SGMS1: variants seen among roughly 807,000 people sequenced by gnomAD.
The protein encoded by SGMS1 is sphingomyelin synthase 1.
SGMS1 carries 13 observed loss-of-function variants against 46.2 expected under a neutral mutation model. That is an observed-to-expected ratio of 0.28 (90% CI 0.18 to 0.45). The LOEUF is 0.45. Ranked by LOEUF, SGMS1 falls within the 20% of genes least tolerant of loss-of-function variation. The pLI, the probability that SGMS1 is intolerant of heterozygous loss-of-function variation, is 1.00. For synonymous variants in SGMS1, 203 were observed against 187.8 expected (o/e 1.08, Z -0.66); for missense variants, 324 against 519.9 (o/e 0.62, Z 3.66).
chr10:50,375,728 C>T (rs537976351), intron 6 of SGMS1, among the ~76,000 whole-genome samples: 5 of 152,324 alleles, frequency 3.3e-5, no homozygotes, highest in Non-Finnish European at 7.3e-5. Flanking sequence ...AGAAGGCAAA[C>T]ACTAGTGTGC....
Position 50,449,447 on chromosome 10 carries a change from A to G in SGMS1, c.-313+11226T>C, listed in dbSNP as rs564471395. On this transcript the variant is annotated intron_variant, in intron 5 of 10. Coordinates refer to ENST00000361781, the MANE Select transcript of SGMS1 (RefSeq NM_147156.4). Reference sequence around the variant, plus strand: ...CAGTGCTTATGAACTATGTAGTCTTAGACAAGGCTGAGCTCCACTTTCCTG... The same window carrying G: ...CAGTGCTTATGAACTATGTAGTCTTGGACAAGGCTGAGCTCCACTTTCCTG... Among the ~76,000 whole-genome samples, 7 of 152,320 alleles carry G rather than the reference A, an allele frequency of 4.6e-5. No homozygotes were observed. In the East Asian group the frequency reaches 1.2e-3, roughly 25 times the overall value.
intron 2 of SGMS1, among the ~76,000 whole-genome samples, chr10:50,526,387 C>T (rs1405399125): frequency 6.6e-6 from 1 of 152,114 alleles, no homozygotes; most frequent in African/African-American, 2.4e-5. Context: ...CAATCATCTC[C>T]CACCAGGTCC....
At chr10:50,346,282 T>C (rs1394694871) in intron 6 of SGMS1, among the ~76,000 whole-genome samples, 1 of 152,218 alleles carries the variant, frequency 6.6e-6, no homozygotes, top group African/African-American at 2.4e-5. Flanking sequence ...GGTCTTTGGG[T>C]ACCCATATCC....
At chr10:50,397,485 A>T (rs1291887970) in intron 6 of SGMS1, among the ~76,000 whole-genome samples, 2 of 152,244 alleles carry the variant, frequency 1.3e-5, no homozygotes, top group Non-Finnish European at 2.9e-5. Context: ...CTTTAGCAAC[A>T]TCCTGGCTAC....
intron 2 of SGMS1, among the ~76,000 whole-genome samples, chr10:50,549,169 T>C (rs1318082025): frequency 2.6e-5 from 4 of 152,212 alleles, no homozygotes; most frequent in Non-Finnish European, 4.4e-5. Flanking sequence ...AGAAATACCA[T>C]TTGACCCAGC....
chr10:50,408,157 G>C (rs1395389398), intron 6 of SGMS1, among the ~76,000 whole-genome samples: 1 of 152,146 alleles, frequency 6.6e-6, no homozygotes, highest in Admixed American at 6.5e-5. Flanking sequence ...TATTGTATTG[G>C]ACATCAAAGG....
At chr10:50,363,692 T>C (rs1018930706) in intron 6 of SGMS1, among the ~76,000 whole-genome samples, 32 of 152,280 alleles carry the variant, frequency 2.1e-4, no homozygotes, top group Non-Finnish European at 1.6e-4. Context: ...CCAGAATAAC[T>C]TGCAGGTTAA....
intron 5 of SGMS1, among the ~76,000 whole-genome samples, chr10:50,451,198 T>C (rs1438333508): frequency 6.6e-6 from 1 of 152,158 alleles, no homozygotes; most frequent in Non-Finnish European, 1.5e-5. Flanking sequence ...ATAATAAATA[T>C]AGCTTTCTAA....
At chr10:50,606,145 G>T (rs1838692406) in intron 1 of SGMS1, among the ~76,000 whole-genome samples, 1 of 152,204 alleles carries the variant, frequency 6.6e-6, no homozygotes, top group South Asian at 2.1e-4. Flanking sequence ...CCATACCATG[G>T]AATATTAAAA....
intron 2 of SGMS1, among the ~76,000 whole-genome samples, chr10:50,581,056 C>T (rs1487392138): frequency 6.6e-6 from 1 of 152,188 alleles, no homozygotes; most frequent in African/African-American, 2.4e-5. Flanking sequence ...TAACAAGTTA[C>T]CTGATACTGC....
intron 5 of SGMS1, among the ~76,000 whole-genome samples, chr10:50,444,101 C>T (rs1372647841): frequency 1.3e-5 from 2 of 151,942 alleles, no homozygotes; most frequent in Non-Finnish European, 2.9e-5. Context: ...ATATAGGAAA[C>T]AAGTTTTAAA....
chr10:50,461,260 G>C (rs7922802), intron 4 of SGMS1, among the ~76,000 whole-genome samples: 1 of 151,884 alleles, frequency 6.6e-6, no homozygotes, highest in African/African-American at 2.4e-5. Flanking sequence ...ATTTATAAAA[G>C]TGTCATGATC....
At chr10:50,536,014 C>T (rs978412576) in intron 2 of SGMS1, among the ~76,000 whole-genome samples, 5 of 152,058 alleles carry the variant, frequency 3.3e-5, no homozygotes, top group African/African-American at 4.8e-5. Context: ...GTTCTTCCCC[C>T]ACACATATCC....
intron 5 of SGMS1, among the ~76,000 whole-genome samples, chr10:50,446,296 C>T (rs1399975554): frequency 7.2e-5 from 11 of 152,100 alleles, no homozygotes; most frequent in African/African-American, 1.9e-4. Flanking sequence ...GCTGGTTTTG[C>T]GGCTTGCTGG....
chr10:50,521,688 T>C (rs1362799209), intron 2 of SGMS1, among the ~76,000 whole-genome samples: 2 of 152,176 alleles, frequency 1.3e-5, no homozygotes, highest in African/African-American at 4.8e-5. Flanking sequence ...AGAACATCTC[T>C]ATTTTGACTT....
chr10:50,352,168 C>T (rs894341115), intron 6 of SGMS1, among the ~76,000 whole-genome samples: 33 of 152,132 alleles, frequency 2.2e-4, no homozygotes, highest in African/African-American at 7.7e-4. Context: ...AAGCTCATTG[C>T]TATGGAAGTG....
At chr10:50,563,057 A>C (rs1838255431) in intron 2 of SGMS1, among the ~76,000 whole-genome samples, 1 of 152,224 alleles carries the variant, frequency 6.6e-6, no homozygotes, top group Non-Finnish European at 1.5e-5. Context: ...TCATTCCCAG[A>C]ATCAAACATG....
chr10:50,528,844 GAGA>G (rs10549824), intron 2 of SGMS1, among the ~76,000 whole-genome samples: 41,081 of 151,998 alleles, frequency 0.27, 6,017 homozygotes, highest in African/African-American at 0.37. Flanking sequence ...CTTCCAAAAA[GAGA>G]AGAAGAAGCC....
At chr10:50,500,610 T>C (rs922847801) in intron 3 of SGMS1, among the ~76,000 whole-genome samples, 30 of 152,348 alleles carry the variant, frequency 2.0e-4, no homozygotes, top group African/African-American at 7.2e-4. Context: ...CCATTAATAT[T>C]ACAAGGCACT....
Sources: gnomAD v4.1 joint callset for allele counts (sites outside exome capture counted in the v4.1 genomes callset) on GRCh38, gnomAD v4.1.1 for gene constraint, MANE v1.5 for transcripts, NCBI Gene and HGNC (gene_info 2026-07-23, HGNC 2026-07-21) for gene names.